The following MITF variants were observed in gnomAD, a reference collection of about 807,000 sequenced individuals.
MITF encodes the protein microphthalmia-associated transcription factor.
In MITF, 17 loss-of-function variants were observed where a neutral mutation model predicts 60.5. The observed-to-expected ratio is 0.28, with a 90% CI of 0.19 to 0.42. The LOEUF (loss-of-function observed/expected upper bound fraction) is 0.42. Ranked by LOEUF, MITF falls within the 10% of genes least tolerant of loss-of-function variation. MITF has a pLI of 1.00. For synonymous variants in MITF, 260 were observed against 248.5 expected (o/e 1.05, Z -0.43); for missense variants, 622 against 683.5 (o/e 0.91, Z 1.00).
chr3:69,776,059 T>A (rs2062469230), intron 1 of MITF, among the ~76,000 whole-genome samples: 1 of 152,070 alleles, frequency 6.6e-6, no homozygotes, highest in Non-Finnish European at 1.5e-5. Flanking sequence ...TTTAAAGAGG[T>A]GGAAAATCTG....
chr3:69,920,628 T>C (rs1456069373), intron 2 of MITF, among the ~76,000 whole-genome samples: 1 of 152,198 alleles, frequency 6.6e-6, no homozygotes, highest in Non-Finnish European at 1.5e-5. Context: ...CCCTGTCCAG[T>C]GGACACGTGA....
In MITF at chr3:69,879,305, G is replaced by C. The variant is rs770654677; in HGVS notation, c.276G>C (p.Val92=). The C allele has an allele frequency of 6.2e-7, 1 of 1,614,194 alleles. No individual in the cohort carries two copies. Among genetic ancestry groups the C allele is most frequent in the Non-Finnish European group, 8.5e-7 (1 of 1,180,040 alleles). The change falls in exon 2 of 10, where the codon GTG becomes GTC. Residue 92 remains valine (V), a synonymous_variant. Coordinates refer to ENST00000352241, the MANE Select transcript of MITF (RefSeq NM_001354604.2). ...AAQFMQQRVP[V]SQTPAINVSV... Reference sequence around the variant, plus strand: ...AGTTCATGCAACAGAGAGTGCCCGTGAGTCAGACACCAGCCATAAACGTCA... The same window carrying C: ...AGTTCATGCAACAGAGAGTGCCCGTCAGTCAGACACCAGCCATAAACGTCA...
chr3:69,742,719 T>C (rs530137113), intron 1 of MITF, among the ~76,000 whole-genome samples: 8 of 152,192 alleles, frequency 5.3e-5, no homozygotes, highest in Non-Finnish European at 1.0e-4. Context: ...TGTGGGAAAG[T>C]ATTAGCATGG....
At chr3:69,823,546 C>G (rs74945202) in intron 1 of MITF, among the ~76,000 whole-genome samples, 12 of 152,080 alleles carry the variant, frequency 7.9e-5, no homozygotes, top group African/African-American at 2.9e-4. Context: ...AATTACCTCC[C>G]AAAGGCCCCA....
intron 1 of MITF, among the ~76,000 whole-genome samples, chr3:69,861,075 C>A (rs2064008337): frequency 6.6e-6 from 1 of 152,066 alleles, no homozygotes; most frequent in African/African-American, 2.4e-5. Flanking sequence ...AAATTTGTAC[C>A]CCAATACTTT....
intron 1 of MITF, among the ~76,000 whole-genome samples, chr3:69,844,319 C>G (rs1184113531): frequency 6.6e-6 from 1 of 152,144 alleles, no homozygotes; most frequent in Non-Finnish European, 1.5e-5. Flanking sequence ...TAATGCCAGA[C>G]ATCTACAACC....
intron 2 of MITF, among the ~76,000 whole-genome samples, chr3:69,901,614 A>C (rs984857147): frequency 6.6e-6 from 1 of 152,158 alleles, no homozygotes; most frequent in African/African-American, 2.4e-5. Context: ...CACATGGTCT[A>C]ATCACCTATT....
At chr3:69,867,723 G>T (rs199746493) in intron 1 of MITF, among the ~76,000 whole-genome samples, 6 of 152,070 alleles carry the variant, frequency 3.9e-5, no homozygotes, top group Non-Finnish European at 7.4e-5. Context: ...TATTAATAAT[G>T]GATGGCATGA....
At chr3:69,755,923 A>G (rs1369821004) in intron 1 of MITF, among the ~76,000 whole-genome samples, 3 of 152,088 alleles carry the variant, frequency 2.0e-5, no homozygotes, top group Non-Finnish European at 4.4e-5. Flanking sequence ...TTGTGCTACT[A>G]CTGGTGTCAT....
chr3:69,881,052 T>A lies in MITF; in HGVS notation c.354+1669T>A, dbSNP rs2064475360. On this transcript the variant is annotated intron_variant, in intron 2 of 9. Transcript: ENST00000352241. ...AAGTGAGCATAATTTCTAAATGCTT[T>A]TGTCACTGTAAATATATTATTTTTG... is the stretch of plus-strand genomic sequence containing the variant. Among the ~76,000 whole-genome samples the A allele has an allele frequency of 1.3e-5, 2 of 152,112 alleles. 1 individual carries two copies. The highest frequency in any genetic ancestry group is 2.9e-5 in the Non-Finnish European group (2 of 67,944).
intron 1 of MITF, among the ~76,000 whole-genome samples, chr3:69,871,524 T>C (rs1487065618): frequency 2.6e-5 from 4 of 152,228 alleles, no homozygotes; most frequent in African/African-American, 9.6e-5. Flanking sequence ...CCATAAATCA[T>C]TACTGCTATG....
intron 1 of MITF, among the ~76,000 whole-genome samples, chr3:69,871,968 A>T (rs1385733050): frequency 1.3e-5 from 2 of 152,226 alleles, no homozygotes; most frequent in Non-Finnish European, 1.5e-5. Context: ...CCTTTAAAAC[A>T]TGGCAGTTAG....
Position 69,794,494 on chromosome 3 carries a change from C to T in MITF, c.104+54793C>T, listed in dbSNP as rs1023116257. On this transcript the variant is annotated intron_variant, in intron 1 of 9. Transcript: ENST00000352241. Reference sequence around the variant, plus strand: ...TGGGCTATAAACTTTGTGCATCTCCCTTCTTGTGCCTTAATGGCAAGGTAA... The same window carrying T: ...TGGGCTATAAACTTTGTGCATCTCCTTTCTTGTGCCTTAATGGCAAGGTAA... Among the ~76,000 whole-genome samples the T allele has an allele frequency of 1.2e-4, 19 of 152,132 alleles. No homozygotes were observed. The highest frequency in any genetic ancestry group is 2.2e-4 in the African/African-American group (9 of 41,422).
chr3:69,755,891 T>C (rs1369339438), intron 1 of MITF, among the ~76,000 whole-genome samples: 1 of 152,198 alleles, frequency 6.6e-6, no homozygotes, highest in East Asian at 1.9e-4. Context: ...ACTATGATTA[T>C]TGCTCTCTGC....
intron 1 of MITF, among the ~76,000 whole-genome samples, chr3:69,818,113 G>A (rs910487823): frequency 2.6e-5 from 4 of 152,002 alleles, no homozygotes; most frequent in Non-Finnish European, 5.9e-5. Flanking sequence ...CTTTTTCCTG[G>A]GCCAGTCTAT....
chr3:69,867,087 G>T (rs2064130451), intron 1 of MITF, among the ~76,000 whole-genome samples: 1 of 152,110 alleles, frequency 6.6e-6, no homozygotes, highest in South Asian at 2.1e-4. Flanking sequence ...TAGGTGATAA[G>T]ATTTGAAAAC....
At chr3:69,964,033 A>G (rs1356577973) in intron 9 of MITF, among the ~76,000 whole-genome samples, 1 of 137,600 alleles carries the variant, frequency 7.3e-6, no homozygotes, top group Non-Finnish European at 1.5e-5. Flanking sequence ...CTGGAGCGCA[A>G]TGGCGCAATC....
rs571953944 is a variant in MITF at position 69,931,138 on chromosome 3, G to A, written c.355-6684G>A. On this transcript the variant is annotated intron_variant, in intron 2 of 9. Coordinates refer to ENST00000352241, the MANE Select transcript of MITF (RefSeq NM_001354604.2). ...CTTTGAATTGACATAAGCTAGGAGC[G>A]CATGTAAAATGCATGGCATCTGGTA... Among the ~76,000 whole-genome samples, 236 of 152,278 alleles carry A rather than the reference G, an allele frequency of 1.5e-3. 1 individual carries two copies. Among genetic ancestry groups the A allele is most frequent in the Middle Eastern group, 0.01 (3 of 294 alleles).
chr3:69,941,184 G>A (rs1180638685), intron 4 of MITF, 52 bp from the exon 5 acceptor site: 7 of 1,214,202 alleles, frequency 5.8e-6, no homozygotes, highest in African/African-American at 1.5e-5. Flanking sequence ...TTTAGGTTGT[G>A]TTGCATAGTT....
Sources: allele counts gnomAD v4.1 joint callset (sites outside exome capture counted in the v4.1 genomes callset), GRCh38; gene constraint gnomAD v4.1.1; transcripts MANE v1.5; gene names NCBI Gene and HGNC (gene_info 2026-07-23, HGNC 2026-07-21).